The following TNNI3K variants were observed in gnomAD, a reference collection of about 807,000 sequenced individuals.
TNNI3K encodes serine/threonine-protein kinase TNNI3K.
TNNI3K carries 140 observed loss-of-function variants against 114.5 expected under a neutral mutation model. The observed-to-expected ratio is 1.22, with a 90% CI of 1.07 to 1.41. The LOEUF (loss-of-function observed/expected upper bound fraction) is 1.41. Ranked by LOEUF, TNNI3K falls within the 40% of genes most tolerant of loss-of-function variation. The pLI, the probability that TNNI3K is intolerant of heterozygous loss-of-function variation, is 0.00. For synonymous variants in TNNI3K, 347 were observed against 347.5 expected, an observed-to-expected ratio of 1.00 and a Z score of 0.02; for missense variants, 1,125 against 1,007.6, an observed-to-expected ratio of 1.12 and a Z score of -1.58.
At position 74,331,504 on chromosome 1, in the gene TNNI3K, T is replaced by G. The variant is rs199989250; in HGVS notation, c.499T>G (p.Phe167Val). ...GANVNIQDAV[F>V]FTPLHIAAYY... ...TAATGTCAATATTCAAGATGCAGTT[T>G]TTTTCACTCCATTGCATATTGCAGC... The change falls in exon 6 of 25, where the codon TTT becomes GTT. Residue 167 changes from phenylalanine to valine, a missense_variant. Phe to Val is a conservative substitution (Grantham distance 50). Coordinates refer to ENST00000326637, the MANE Select transcript of TNNI3K (RefSeq NM_015978.3). The G allele has an allele frequency of 6.2e-7, 1 of 1,613,844 alleles. No individual in the cohort carries two copies.
chr1:74,328,015 C>T (rs1024159552), intron 5 of TNNI3K, among the ~76,000 whole-genome samples: 2 of 151,666 alleles, frequency 1.3e-5, no homozygotes, highest in South Asian at 2.1e-4. Context: ...ATATAGCAAA[C>T]ACTTGAGATT....
chr1:74,238,307 T>G (rs1246015073), intron 2 of TNNI3K, among the ~76,000 whole-genome samples: 4 of 152,060 alleles, frequency 2.6e-5, no homozygotes, highest in Non-Finnish European at 5.9e-5. Flanking sequence ...TTTAATCTCC[T>G]TAATCCTCAT....
At chr1:74,476,533 G>A (rs1668216758) in intron 21 of TNNI3K, among the ~76,000 whole-genome samples, 1 of 152,042 alleles carries the variant, frequency 6.6e-6, no homozygotes, top group Non-Finnish European at 1.5e-5. Flanking sequence ...TCTATCCCCA[G>A]TGTCCACAAC....
At chr1:74,449,517 G>A (rs955984027) in intron 20 of TNNI3K, among the ~76,000 whole-genome samples, 15 of 151,828 alleles carry the variant, frequency 9.9e-5, no homozygotes, top group East Asian at 1.9e-4. Context: ...CCCATCTCAC[G>A]TGCAGAGACA....
chr1:74,351,598 G>A (rs1281895253), intron 9 of TNNI3K, among the ~76,000 whole-genome samples: 1 of 152,046 alleles, frequency 6.6e-6, no homozygotes, highest in Non-Finnish European at 1.5e-5. Context: ...TCACTTTCAG[G>A]TACACCAATG....
At chr1:74,461,268 C>T (rs1667442639) in intron 20 of TNNI3K, among the ~76,000 whole-genome samples, 1 of 152,156 alleles carries the variant, frequency 6.6e-6, no homozygotes, top group Admixed American at 6.5e-5. Context: ...ATCACGAGGT[C>T]AGGAGATCGA....
At chr1:74,403,797 G>A (rs1557546019) in intron 17 of TNNI3K, among the ~76,000 whole-genome samples, 2 of 152,104 alleles carry the variant, frequency 1.3e-5, no homozygotes, top group Non-Finnish European at 2.9e-5. Context: ...TAGTTAATGA[G>A]AAACATAGTT....
chr1:74,390,361 G>C (rs1663699853), intron 17 of TNNI3K, among the ~76,000 whole-genome samples: 2 of 152,100 alleles, frequency 1.3e-5, no homozygotes, highest in South Asian at 4.1e-4. Context: ...GAGGTACTCT[G>C]CTTTGATTGT....
chr1:74,265,661 T>G (rs1655931105), intron 4 of TNNI3K, among the ~76,000 whole-genome samples: 1 of 152,062 alleles, frequency 6.6e-6, no homozygotes, highest in Admixed American at 6.6e-5. Flanking sequence ...TAACAATTAT[T>G]ATGTGTCAAG....
intron 17 of TNNI3K, among the ~76,000 whole-genome samples, chr1:74,396,375 A>G (rs1353221069): frequency 6.6e-6 from 1 of 152,156 alleles, no homozygotes; most frequent in African/African-American, 2.4e-5. Flanking sequence ...GGACAGGGAG[A>G]AGTTGGATTT....
Position 74,446,118 on chromosome 1 carries a change from G to A in TNNI3K, c.2011+6496G>A, listed in dbSNP as rs572473873. ...TAGATCCCTGAGGAATCGCCACACT[G>A]ACTTCCACAATGGTTTAACTAGTTT... On this transcript the variant is annotated intron_variant, in intron 20 of 24. Coordinates refer to ENST00000326637, the MANE Select transcript of TNNI3K (RefSeq NM_015978.3). Among the ~76,000 whole-genome samples, 1,278 of 152,102 alleles carry A rather than the reference G, an allele frequency of 8.4e-3. 21 individuals carry two copies. Among genetic ancestry groups the A allele is most frequent in the African/African-American group, 0.029 (1,195 of 41,450 alleles).
intron 17 of TNNI3K, among the ~76,000 whole-genome samples, chr1:74,407,995 A>G (rs1177963171): frequency 1.3e-5 from 2 of 152,110 alleles, no homozygotes; most frequent in African/African-American, 4.8e-5. Flanking sequence ...TTGACCTACT[A>G]TTGTGGTCAC....
chr1:74,352,243 T>C (rs1022352705), intron 9 of TNNI3K, among the ~76,000 whole-genome samples: 1 of 152,222 alleles, frequency 6.6e-6, no homozygotes, highest in Non-Finnish European at 1.5e-5. Flanking sequence ...CTCCAGACCC[T>C]GTTTGCCTGG....
intron 17 of TNNI3K, among the ~76,000 whole-genome samples, chr1:74,406,209 G>A (rs1664605546): frequency 6.6e-6 from 1 of 152,178 alleles, no homozygotes; most frequent in Admixed American, 6.5e-5. Context: ...TTATCCTCTA[G>A]AGTAAGCTTG....
intron 6 of TNNI3K, among the ~76,000 whole-genome samples, chr1:74,335,432 A>AT (rs1447318893): frequency 6.6e-6 from 1 of 151,850 alleles, no homozygotes; most frequent in Non-Finnish European, 1.5e-5. Flanking sequence ...TGGGCCATAT[A>AT]TTTTTTTTCT....
chr1:74,300,044 C>G (rs1658225811), intron 5 of TNNI3K, among the ~76,000 whole-genome samples: 1 of 152,184 alleles, frequency 6.6e-6, no homozygotes, highest in Non-Finnish European at 1.5e-5. Context: ...ATATTTGCGT[C>G]TACCTTGAAT....
chr1:74,341,350 G>A (rs563075984), intron 7 of TNNI3K, among the ~76,000 whole-genome samples: 1 of 152,116 alleles, frequency 6.6e-6, no homozygotes, highest in African/African-American at 2.4e-5. Flanking sequence ...TAAATGTCTA[G>A]TATGGGACAA....
intron 17 of TNNI3K, chr1:74,374,493 GAGAT>G (rs1469253710): frequency 3.9e-5 from 6 of 151,914 alleles, no homozygotes; most frequent in Admixed American, 3.3e-4. Flanking sequence ...TGAGAAGAGA[GAGAT>G]AGAAGGAGCG....
At chr1:74,471,955 C>T (rs1667952859) in intron 21 of TNNI3K, 6 of 611,248 alleles carry the variant, frequency 9.8e-6, no homozygotes, top group African/African-American at 5.6e-5. Flanking sequence ...TTTTAACAGT[C>T]CACAAGGATC....
Sources: gnomAD v4.1 joint callset for allele counts (sites outside exome capture counted in the v4.1 genomes callset) on GRCh38, gnomAD v4.1.1 for gene constraint, MANE v1.5 for transcripts, NCBI Gene and HGNC (gene_info 2026-07-23, HGNC 2026-07-21) for gene names.